KIAA1671: variants seen among roughly 807,000 people sequenced by gnomAD.
The protein encoded by KIAA1671 is KIAA1671.
KIAA1671 carries 52 observed loss-of-function variants against 131.2 expected under a neutral mutation model. That is an observed-to-expected ratio of 0.40 (90% CI 0.32 to 0.50). The LOEUF (loss-of-function observed/expected upper bound fraction) is 0.50, where lower values mean the gene tolerates loss of function less well. Among genes scored for constraint, KIAA1671 ranks in the 20% least tolerant of loss-of-function variants. KIAA1671 has a pLI of 0.73. For missense variants in KIAA1671, 2,360 were observed against 2,364.2 expected (o/e 1.00, Z 0.04); for synonymous variants, 1,003 against 961.6 (o/e 1.04, Z -0.80).
rs1446013262 is a variant in KIAA1671, at chr22:25,023,400, T to C, written c.-207-2233T>C. 7 of 152,196 alleles carry C rather than the reference T, an allele frequency of 4.6e-5. No individual in the cohort carries two copies. The East Asian group carries it at 1.4e-3, about 29-fold the overall frequency. 9.4% of individuals were successfully genotyped at this position (152,196 alleles called of 1,614,324 possible). A position where few individuals can be genotyped will look rare whatever the true frequency, so the allele number is the denominator to read the frequency against. ...AATAAAAAATAAAATAAATAAAAAA[T>C]AGTGGACATGTCCACCCCAAGAATA... On this transcript the variant is annotated intron_variant, in intron 1 of 12. Coordinates refer to ENST00000358431, the MANE Select transcript of KIAA1671 (RefSeq NM_001145206.2).
intron 6 of KIAA1671, chr22:25,056,891 T>A (rs1362188087): frequency 6.6e-6 from 1 of 151,346 alleles, no homozygotes; most frequent in Non-Finnish European, 1.5e-5. Flanking sequence ...GCCTGACACC[T>A]GGTAGGTGCT....
chr22:25,146,183 A>G (rs1932875675), intron 6 of KIAA1671, among the ~76,000 whole-genome samples: 1 of 152,206 alleles, frequency 6.6e-6, no homozygotes, highest in Admixed American at 6.5e-5. Flanking sequence ...TATAAGTTCT[A>G]GTCATGGCTA....
At chr22:24,983,958 A>G (rs1431154970) in intron 1 of KIAA1671, among the ~76,000 whole-genome samples, 1 of 151,700 alleles carries the variant, frequency 6.6e-6, no homozygotes, top group Non-Finnish European at 1.5e-5. Context: ...TTGTGTTTTT[A>G]GTAGAGATGG....
At chr22:25,082,789 T>C (rs1163382493) in intron 6 of KIAA1671, among the ~76,000 whole-genome samples, 3 of 152,152 alleles carry the variant, frequency 2.0e-5, no homozygotes, top group Admixed American at 6.6e-5. Flanking sequence ...GCTATGGTTG[T>C]GCCACTGCAC....
At chr22:25,005,273 G>A (rs1181550800) in intron 1 of KIAA1671, among the ~76,000 whole-genome samples, 6 of 150,308 alleles carry the variant, frequency 4.0e-5, no homozygotes, top group African/African-American at 1.2e-4. Context: ...GCTTGAACCC[G>A]GGAGGCGGAG....
chr22:25,134,397 C>T (rs553334096), intron 6 of KIAA1671, among the ~76,000 whole-genome samples: 77 of 152,104 alleles, frequency 5.1e-4, no homozygotes, highest in Middle Eastern at 6.8e-3. Flanking sequence ...TGTGTGTACC[C>T]GAAATCTGAT....
intron 1 of KIAA1671, among the ~76,000 whole-genome samples, chr22:24,954,114 C>CT (rs1921566654): frequency 1.3e-5 from 2 of 152,158 alleles, no homozygotes; most frequent in African/African-American, 4.8e-5. Flanking sequence ...AGAAACCCTA[C>CT]TTGCTATCTT....
At chr22:25,114,621 C>G (rs575353725) in intron 6 of KIAA1671, among the ~76,000 whole-genome samples, 2 of 152,298 alleles carry the variant, frequency 1.3e-5, no homozygotes, top group South Asian at 4.1e-4. Flanking sequence ...GATGATCGTG[C>G]ATTGATGTGC....
At chr22:25,191,625 A>G (rs956480600) in intron 12 of KIAA1671, among the ~76,000 whole-genome samples, 2 of 152,216 alleles carry the variant, frequency 1.3e-5, no homozygotes, top group East Asian at 1.9e-4. Context: ...ATGGGTTAGC[A>G]GTGTCCACAC....
At chr22:25,065,989 G>A (rs982450903) in intron 6 of KIAA1671, among the ~76,000 whole-genome samples, 8 of 152,094 alleles carry the variant, frequency 5.3e-5, no homozygotes, top group African/African-American at 1.9e-4. Context: ...AGTTCTGGAG[G>A]CTGGGAAGTC....
chr22:25,030,153 T>TTGGTTAATACCGATGTTCTAAGTCAGC (rs1926203316), intron 3 of KIAA1671, among the ~76,000 whole-genome samples: 2 of 152,244 alleles, frequency 1.3e-5, no homozygotes, highest in Admixed American at 1.3e-4. Flanking sequence ...TGTCAATCAG[T>TTGGTTAATACCGATGTTCTAAGTCAGC]TGGTTAATAC....
rs1568951083 is a variant in KIAA1671 at position 25,093,755 on chromosome 22, TC to T, written c.4530+44392del. Among the ~76,000 whole-genome samples, 340 of 130,764 alleles carry T rather than the reference TC, an allele frequency of 2.6e-3. 17 individuals are homozygous for T. Among genetic ancestry groups the T allele is most frequent in the African/African-American group, 9.5e-3 (296 of 31,070 alleles). 85.8% of individuals were successfully genotyped at this position (130,764 alleles called of 152,430 possible). ...CACACACACTCTCTCTCTCTCTCTC[TC>T]TCTCTCTCTCTGTCTCTCTCTCTCT... On this transcript the variant is annotated intron_variant, in intron 6 of 12. Coordinates refer to ENST00000358431, the MANE Select transcript of KIAA1671 (RefSeq NM_001145206.2).
chr22:25,130,818 G>A (rs560798690), intron 6 of KIAA1671, among the ~76,000 whole-genome samples: 2 of 152,250 alleles, frequency 1.3e-5, no homozygotes, highest in Admixed American at 1.3e-4. Context: ...CAGCTTAGAG[G>A]CTTAGAGTCC....
chr22:24,965,101 TAAA>T (rs3063196), intron 1 of KIAA1671, among the ~76,000 whole-genome samples: 52,548 of 140,692 alleles, frequency 0.37, 9,996 homozygotes, highest in East Asian at 0.67. Flanking sequence ...AGTAGGCTCT[TAAA>T]AAAAAAAAAA....
chr22:25,009,921 A>T (rs1473941161), intron 1 of KIAA1671: 1 of 152,200 alleles, frequency 6.6e-6, no homozygotes, highest in Admixed American at 6.5e-5. Context: ...CAAGTGACAG[A>T]CTGGTGTGGA....
chr22:25,116,213 C>T (rs1356970928), intron 6 of KIAA1671, among the ~76,000 whole-genome samples: 3 of 152,114 alleles, frequency 2.0e-5, no homozygotes, highest in Non-Finnish European at 4.4e-5. Context: ...GCTGGGACTA[C>T]AGGCATGTGC....
intron 1 of KIAA1671, among the ~76,000 whole-genome samples, chr22:24,966,275 A>G (rs1169974161): frequency 6.6e-6 from 1 of 152,180 alleles, no homozygotes; most frequent in African/African-American, 2.4e-5. Context: ...CCGATGGCTT[A>G]GCGAGCACTG....
At chr22:25,055,013 T>A (rs2064138) in intron 6 of KIAA1671, 107,006 of 148,722 alleles carry the variant, frequency 0.72, 41,835 homozygotes, top group African/African-American at 0.92. Context: ...TGTTTGGTTT[T>A]ACACTGAGCT....
At chr22:25,177,017 G>A (rs1399405345) in intron 8 of KIAA1671, 4 of 295,972 alleles carry the variant, frequency 1.4e-5, no homozygotes, top group East Asian at 6.3e-5. Flanking sequence ...GATCATTGCT[G>A]TAGATTACAT....
Sources: allele counts gnomAD v4.1 joint callset (sites outside exome capture counted in the v4.1 genomes callset), GRCh38; gene constraint gnomAD v4.1.1; transcripts MANE v1.5; gene names NCBI Gene and HGNC (gene_info 2026-07-23, HGNC 2026-07-21).